ZDHHC7: variants seen among roughly 807,000 people sequenced by gnomAD.
The protein encoded by ZDHHC7 is palmitoyltransferase ZDHHC7.
A neutral mutation model predicts 34.1 loss-of-function variants in ZDHHC7; 12 were observed. The ratio of observed to expected loss-of-function variants is 0.35; its 90% CI spans 0.23 to 0.57. ZDHHC7 has a LOEUF of 0.57. Ranked by LOEUF, ZDHHC7 falls within the 20% of genes least tolerant of loss-of-function variation. The probability of loss-of-function intolerance (pLI) is 0.84; values close to 1 mark genes in which losing one functional copy is unlikely to be tolerated. For missense variants in ZDHHC7, 388 were observed against 402.7 expected (o/e 0.96, Z 0.31); for synonymous variants, 185 against 155.4 (o/e 1.19, Z -1.42).
chr16:84,976,707 C>T (rs1489140120), intron 7 of ZDHHC7, among the ~76,000 whole-genome samples, 188 bp from the exon 8 acceptor site: 2 of 152,240 alleles, frequency 1.3e-5, no homozygotes, highest in Non-Finnish European at 2.9e-5. Flanking sequence ...GCTGCAGCCA[C>T]GTGGCCAGCC....
Position 84,977,097 on chromosome 16 carries a change from T to C in ZDHHC7, c.748A>G (p.Thr250Ala). Residue 250 changes from threonine (T) to alanine (A), a missense_variant and splice_region_variant, in exon 7 of 8, where the codon ACG becomes GCG. By Grantham distance (58) the Thr-to-Ala change is moderately conservative. Transcript: ENST00000313732. ...TQIHSICNDE[T>A]EIERLKSEKP... ...ACACAGCCGAGAACAAAGCTTACCGTCTCGTCGTTGCATATGGAGTGGATT... is the reference window on the plus strand; with the variant it reads ...ACACAGCCGAGAACAAAGCTTACCGCCTCGTCGTTGCATATGGAGTGGATT... The C allele has an allele frequency of 6.2e-7, 1 of 1,614,082 alleles. No individual in the cohort carries two copies. The highest frequency in any genetic ancestry group is 8.5e-7 in the Non-Finnish European group (1 of 1,180,006).
intron 6 of ZDHHC7, 56 bp downstream of exon 6, chr16:84,977,868 C>A: frequency 1.4e-6 from 2 of 1,395,304 alleles, no homozygotes; most frequent in Non-Finnish European, 1.0e-6. Context: ...AAGCTTTCCC[C>A]TTTCATCCAA....
intron 1 of ZDHHC7, among the ~76,000 whole-genome samples, chr16:85,000,555 T>G (rs1483992372): frequency 6.6e-6 from 1 of 152,088 alleles, no homozygotes; most frequent in African/African-American, 2.4e-5. Context: ...CACCCTAGAG[T>G]CTGGTATCCA....
At chr16:85,024,242 T>G in the ZDHHC7 span, among the ~76,000 whole-genome samples, 2 of 149,772 alleles carry the variant, frequency 1.3e-5, no homozygotes, top group East Asian at 3.9e-4. Flanking sequence ...TTTTTTTTTT[T>G]TTTTTTTGAG....
At chr16:84,983,185 G>A (rs2143582930) in intron 3 of ZDHHC7, among the ~76,000 whole-genome samples, 1 of 152,312 alleles carries the variant, frequency 6.6e-6, no homozygotes, top group South Asian at 2.1e-4. Flanking sequence ...CGGACACTGG[G>A]AACAGCAGTC....
chr16:85,023,429 T>G, the ZDHHC7 span, among the ~76,000 whole-genome samples: 1 of 152,106 alleles, frequency 6.6e-6, no homozygotes, highest in African/African-American at 2.4e-5. Context: ...CCTCCCAAAG[T>G]GCTGGGATTA....
chr16:85,019,282 G>C, the ZDHHC7 span, among the ~76,000 whole-genome samples: 1 of 151,840 alleles, frequency 6.6e-6, no homozygotes, highest in Non-Finnish European at 1.5e-5. Context: ...ATTCCTCATC[G>C]GAATGCAAGC....
At chr16:85,000,183 C>T (rs1276761798) in intron 1 of ZDHHC7, among the ~76,000 whole-genome samples, 2 of 152,106 alleles carry the variant, frequency 1.3e-5, no homozygotes, top group East Asian at 3.8e-4. Context: ...GTACATTAAT[C>T]ATGCCTCAAT....
At chr16:84,988,427 C>T (rs1351241801) in intron 3 of ZDHHC7, among the ~76,000 whole-genome samples, 1 of 152,158 alleles carries the variant, frequency 6.6e-6, no homozygotes, top group East Asian at 1.9e-4. Context: ...ATCAAAACAC[C>T]CCTGACATCC....
In ZDHHC7 at chr16:84,975,374, C is replaced by T. The variant is rs999983484; in HGVS notation, c.*969G>A. 6.6e-6 allele frequency: 1 copy of T among 152,338 alleles called. No individual in the cohort carries two copies. Among genetic ancestry groups the T allele is most frequent in the African/African-American group, 2.4e-5 (1 of 41,418 alleles). The allele number at this position is 152,338 out of a possible 1,614,324, so 9.4% of individuals were successfully genotyped here. ...TGCCCCACACACAGCATCGGGCTGC[C>T]CCAAGTATCAAGTCACCGAGCCGCA... On this transcript the variant is annotated 3_prime_UTR_variant, in exon 8 of 8. Coordinates refer to ENST00000313732, the MANE Select transcript of ZDHHC7 (RefSeq NM_017740.3).
chr16:85,026,298 T>C, the ZDHHC7 span, among the ~76,000 whole-genome samples: 2 of 152,128 alleles, frequency 1.3e-5, no homozygotes, highest in Non-Finnish European at 2.9e-5. Flanking sequence ...TGCATCCTGC[T>C]GGACTCACGG....
intron 1 of ZDHHC7, among the ~76,000 whole-genome samples, chr16:85,006,487 G>A (rs2072718676): frequency 2.0e-5 from 3 of 152,090 alleles, no homozygotes; most frequent in Non-Finnish European, 1.5e-5. Flanking sequence ...GCTGAGGTGG[G>A]CAGATCATTT....
intron 1 of ZDHHC7, among the ~76,000 whole-genome samples, chr16:85,010,500 G>A (rs563690310): frequency 1.3e-5 from 2 of 152,140 alleles, no homozygotes; most frequent in African/African-American, 2.4e-5. Flanking sequence ...AAATACGTGC[G>A]CTTAAGTGCA....
Position 84,976,486 on chromosome 16 carries a change from A to G in ZDHHC7, c.784T>C (p.Trp262Arg). ...IERLKSEKPT[W>R]ERRLRWEGMK... ...CCTTCCCATCGCAGCCTCCGCTCCC[A>G]TGTGGGCTTCTCACTTTTCAATCGC... Residue 262 changes from tryptophan (W) to arginine (R), a missense_variant, in exon 8 of 8, where the codon TGG (tryptophan) becomes CGG (arginine). Physicochemically the swap from Trp to Arg is moderately radical, Grantham distance 101 (BLOSUM62 -3). Transcript: ENST00000313732. 2.5e-6 allele frequency: 4 copies of G among 1,613,916 alleles called. No homozygotes were observed. The highest frequency in any genetic ancestry group is 3.4e-6 in the Non-Finnish European group (4 of 1,179,992).
At chr16:85,025,970 G>A in the ZDHHC7 span, among the ~76,000 whole-genome samples, 1 of 152,162 alleles carries the variant, frequency 6.6e-6, no homozygotes, top group Non-Finnish European at 1.5e-5. Context: ...CAGGTTCACT[G>A]ATCTGTGGTT....
intron 1 of ZDHHC7, among the ~76,000 whole-genome samples, chr16:85,007,993 T>C (rs570689227): frequency 6.6e-6 from 1 of 152,080 alleles, no homozygotes; most frequent in African/African-American, 2.4e-5. Flanking sequence ...CGTACACCTG[T>C]GGTCCCTGTT....
chr16:85,001,181 A>G (rs1010461022), intron 1 of ZDHHC7, among the ~76,000 whole-genome samples: 11 of 152,290 alleles, frequency 7.2e-5, no homozygotes, highest in Admixed American at 3.3e-4. Context: ...GGTTTAAAAG[A>G]TAACTGGGGC....
rs1367025943 is a variant in ZDHHC7 at position 84,989,843 on chromosome 16, G to A, written c.315+461C>T. Among the ~76,000 whole-genome samples, 4 of 152,262 alleles carry A rather than the reference G, an allele frequency of 2.6e-5. No homozygotes were observed. In the East Asian group the frequency reaches 5.8e-4, roughly 22 times the overall value. On this transcript the variant is annotated intron_variant, in intron 3 of 7. Coordinates refer to ENST00000313732, the MANE Select transcript of ZDHHC7 (RefSeq NM_017740.3). ...GGTTTAAAACCACTGTTTTAAAGCA[G>A]TGGAAAGAACTTTTTTCAAATGAAA...
At chr16:84,979,147 T>C (rs773186494) in intron 5 of ZDHHC7, 42 bp downstream of exon 5, 1 of 1,564,444 alleles carries the variant, frequency 6.4e-7, no homozygotes, top group South Asian at 1.2e-5. Context: ...TTAAAGAATT[T>C]CAAATTCAAT....
Sources: gnomAD v4.1 joint callset for allele counts (sites outside exome capture counted in the v4.1 genomes callset) on GRCh38, gnomAD v4.1.1 for gene constraint, MANE v1.5 for transcripts, NCBI Gene and HGNC (gene_info 2026-07-23, HGNC 2026-07-21) for gene names.